The following SLC22A3 variants were observed in gnomAD, a reference collection of about 807,000 sequenced individuals.
SLC22A3 encodes the protein EMT organic cation transporter 3.
Under a neutral mutation model 59.1 loss-of-function variants are expected in SLC22A3, and 51 were observed. That is an observed-to-expected ratio of 0.86 (90% CI 0.69 to 1.09). SLC22A3 has a LOEUF of 1.09. SLC22A3 is among the 50% of genes least tolerant of loss of function. The probability of loss-of-function intolerance (pLI) is 0.00; values close to 1 mark genes in which losing one functional copy is unlikely to be tolerated. For missense variants in SLC22A3, 711 were observed against 726.3 expected (o/e 0.98, Z 0.24); for synonymous variants, 325 against 292.0 (o/e 1.11, Z -1.15).
chr6:160,382,908 A>C (rs1004241400), intron 1 of SLC22A3, among the ~76,000 whole-genome samples: 1 of 152,220 alleles, frequency 6.6e-6, no homozygotes, highest in Non-Finnish European at 1.5e-5. Context: ...GAAATAACAA[A>C]CTTGCTAAAC....
chr6:160,420,162 C>A (rs1787668044), intron 5 of SLC22A3, among the ~76,000 whole-genome samples: 1 of 152,178 alleles, frequency 6.6e-6, no homozygotes, highest in Non-Finnish European at 1.5e-5. Flanking sequence ...GGCTGTCATT[C>A]AACACCGAAA....
At chr6:160,419,337 A>T (rs990134144) in intron 5 of SLC22A3, among the ~76,000 whole-genome samples, 2 of 152,196 alleles carry the variant, frequency 1.3e-5, no homozygotes, top group Non-Finnish European at 2.9e-5. Flanking sequence ...ATTTTTATAA[A>T]CATAATTTTT....
chr6:160,366,305 A>G (rs1785202543), intron 1 of SLC22A3, among the ~76,000 whole-genome samples: 1 of 152,246 alleles, frequency 6.6e-6, no homozygotes, highest in South Asian at 2.1e-4. Flanking sequence ...GGATACAGGC[A>G]TTGGGTAAAT....
intron 2 of SLC22A3, among the ~76,000 whole-genome samples, chr6:160,400,984 G>GAAAAAAAAAAAAAAAAA (rs58532600): frequency 2.5e-5 from 2 of 78,558 alleles, no homozygotes; most frequent in African/African-American, 5.4e-5. Flanking sequence ...CTCCAAAACT[G>GAAAAAAAAAAAAAAAAA]AAAAAAAAAA....
Position 160,348,636 on chromosome 6 carries a change from C to G in SLC22A3, c.217C>G (p.Arg73Gly), listed in dbSNP as rs775175214. 1.3e-6 allele frequency: 2 copies of G among 1,504,102 alleles called. No homozygotes were observed. Among genetic ancestry groups the G allele is most frequent in the Non-Finnish European group, 1.8e-6 (2 of 1,134,330 alleles). 93.2% of individuals were successfully genotyped at this position (1,504,102 alleles called of 1,614,324 possible). ...CGWSPEEEWNRTAPASRGPEP... is the reference protein window; with the variant it reads ...CGWSPEEEWNGTAPASRGPEP... ...CTGGAGCCCGGAGGAGGAGTGGAAC[C>G]GCACGGCGCCCGCCTCCCGCGGCCC... The change falls in exon 1 of 11, where the codon CGC becomes GGC. Residue 73 changes from arginine (R) to glycine (G), a missense_variant. Arg to Gly is a moderately radical substitution (Grantham distance 125). Coordinates refer to ENST00000275300, the MANE Select transcript of SLC22A3 (RefSeq NM_021977.4).
At chr6:160,427,361 T>TG (rs964107822) in intron 5 of SLC22A3, among the ~76,000 whole-genome samples, 27 of 152,178 alleles carry the variant, frequency 1.8e-4, no homozygotes, top group African/African-American at 6.0e-4. Context: ...ACTCAGTGAC[T>TG]GGGGCTAATG....
intron 1 of SLC22A3, among the ~76,000 whole-genome samples, chr6:160,372,110 A>G (rs1785421462): frequency 6.6e-6 from 1 of 152,094 alleles, no homozygotes; most frequent in African/African-American, 2.4e-5. Context: ...GGGAGTCTGA[A>G]TCTCTTTGTA....
chr6:160,430,325 T>C (rs1225147686), intron 5 of SLC22A3, among the ~76,000 whole-genome samples: 1 of 152,166 alleles, frequency 6.6e-6, no homozygotes, highest in African/African-American at 2.4e-5. Context: ...CTGAGTAGAA[T>C]ACCACATGTC....
At position 160,349,358 on chromosome 6, in the gene SLC22A3, A is replaced by T. The variant is rs1007235375; in HGVS notation, c.429+510A>T. On this transcript the variant is annotated intron_variant, in intron 1 of 10. Transcript: ENST00000275300. ...CTTTTTTCCAGTTGCCCAAATGGTT[A>T]CTCAAAATGCAAGGGGACAAAGGTC... Among the ~76,000 whole-genome samples, 4 of 152,240 alleles carry T rather than the reference A, an allele frequency of 2.6e-5. No homozygotes were observed. The South Asian group carries it at 6.2e-4, about 24-fold the overall frequency.
At chr6:160,405,246 G>T (rs1259389500) in intron 2 of SLC22A3, among the ~76,000 whole-genome samples, 1 of 152,024 alleles carries the variant, frequency 6.6e-6, no homozygotes, top group Non-Finnish European at 1.5e-5. Context: ...GCGGGCCAAA[G>T]ATCTTAACAG....
intron 1 of SLC22A3, among the ~76,000 whole-genome samples, chr6:160,385,081 G>A (rs1275166668): frequency 6.6e-6 from 1 of 152,130 alleles, no homozygotes; most frequent in African/African-American, 2.4e-5. Context: ...ATTCCTTTTT[G>A]CAGGATGCTC....
At chr6:160,428,982 G>A (rs1361528451) in intron 5 of SLC22A3, among the ~76,000 whole-genome samples, 1 of 152,130 alleles carries the variant, frequency 6.6e-6, no homozygotes, top group Non-Finnish European at 1.5e-5. Flanking sequence ...GGCTATTCTG[G>A]GCTGGTCCTC....
intron 5 of SLC22A3, among the ~76,000 whole-genome samples, chr6:160,431,424 A>C (rs1788147355): frequency 6.6e-6 from 1 of 152,230 alleles, no homozygotes; most frequent in African/African-American, 2.4e-5. Context: ...TGGAGATGTT[A>C]GTAAATCAAA....
intron 3 of SLC22A3, among the ~76,000 whole-genome samples, chr6:160,407,521 CTTGAGGCATTT>C (rs1408452105): frequency 2.6e-5 from 4 of 152,228 alleles, no homozygotes; most frequent in South Asian, 2.1e-4. Context: ...TCAGTAGCTT[CTTGAGGCATTT>C]TTGAGGCATT....
intron 2 of SLC22A3, among the ~76,000 whole-genome samples, chr6:160,405,841 A>G (rs1197483689): frequency 6.6e-6 from 1 of 152,152 alleles, no homozygotes; most frequent in Non-Finnish European, 1.5e-5. Context: ...ATACTATAAG[A>G]TTTTAACTAT....
At position 160,436,819 on chromosome 6, in the gene SLC22A3, T is replaced by A. The variant is rs748857225; in HGVS notation, c.1015T>A (p.Leu339Ile). The A allele has an allele frequency of 5.6e-6, 9 of 1,613,880 alleles. No homozygotes were observed. Among genetic ancestry groups the A allele is most frequent in the Non-Finnish European group, 7.6e-6 (9 of 1,179,800 alleles). The change falls in exon 6 of 11, where the codon TTA (leucine) becomes ATA (isoleucine). Residue 339 changes from leucine (L) to isoleucine (I), a missense_variant. Coordinates refer to ENST00000275300, the MANE Select transcript of SLC22A3 (RefSeq NM_021977.4). ...TGAGGAAGTTAGTAATCCATCCTTTTTAGATCTGGTGAGAACTCCCCAAAT... is the reference window on the plus strand; with the variant it reads ...TGAGGAAGTTAGTAATCCATCCTTTATAGATCTGGTGAGAACTCCCCAAAT... ...TDEEVSNPSF[L>I]DLVRTPQMRK...
chr6:160,354,712 T>C (rs1162913764), intron 1 of SLC22A3, among the ~76,000 whole-genome samples: 1 of 152,152 alleles, frequency 6.6e-6, no homozygotes, highest in Non-Finnish European at 1.5e-5. Flanking sequence ...ACTCAGAAGG[T>C]TGAACCCAGG....
chr6:160,375,446 C>A (rs890875947), intron 1 of SLC22A3, among the ~76,000 whole-genome samples: 1 of 151,558 alleles, frequency 6.6e-6, no homozygotes, highest in East Asian at 1.9e-4. Flanking sequence ...ATTTCCTAGC[C>A]CCCCCACCAC....
At position 160,451,284 on chromosome 6, in the gene SLC22A3, A is replaced by T. The variant is rs1456422494; in HGVS notation, c.*228A>T. On this transcript the variant is annotated 3_prime_UTR_variant, in exon 11 of 11. Coordinates refer to ENST00000275300, the MANE Select transcript of SLC22A3 (RefSeq NM_021977.4). ...ACACATAATATGTAGCCAGTTTAAC[A>T]AAGAAGCTGTCAGGTGCACAGCCCT... 5.7e-6 allele frequency: 3 copies of T among 523,242 alleles called. No individual in the cohort carries two copies. Among genetic ancestry groups the T allele is most frequent in the Non-Finnish European group, 1.0e-5 (3 of 290,820 alleles). The allele number at this position is 523,242 out of a possible 1,614,324, so 32.4% of individuals were successfully genotyped here.
Sources: gnomAD v4.1 joint callset for allele counts (sites outside exome capture counted in the v4.1 genomes callset) on GRCh38, gnomAD v4.1.1 for gene constraint, MANE v1.5 for transcripts, NCBI Gene and HGNC (gene_info 2026-07-23, HGNC 2026-07-21) for gene names.